The following GPD1L variants were observed in gnomAD, a reference collection of about 807,000 sequenced individuals.
GPD1L encodes glycerol-3-phosphate dehydrogenase 1 like.
A neutral mutation model predicts 32.9 loss-of-function variants in GPD1L; 17 were observed. The ratio of observed to expected loss-of-function variants is 0.52; its 90% CI spans 0.35 to 0.78. GPD1L has a LOEUF of 0.78. Ranked by LOEUF, GPD1L falls within the 30% of genes least tolerant of loss-of-function variation. The pLI, the probability that GPD1L is intolerant of heterozygous loss-of-function variation, is 0.01. For missense variants in GPD1L, 361 were observed against 447.8 expected, an observed-to-expected ratio of 0.81 and a Z score of 1.75; for synonymous variants, 187 against 165.9, an observed-to-expected ratio of 1.13 and a Z score of -0.98.
rs745614320 is a variant in GPD1L at position 32,159,584 on chromosome 3, A to G, written c.869A>G (p.Glu290Gly). ...GTTTTTAAGACCATTGAAGAGTTGG[A>G]GAAGGAGATGCTGAATGGGCAAAAG... ...ARTGKTIEEL[E>G]KEMLNGQKLQ... The change falls in exon 7 of 8, where the codon GAG (glutamate) becomes GGG (glycine). Residue 290 changes from glutamate (E) to glycine (G), a missense_variant. Transcript: ENST00000282541. The G allele has an allele frequency of 6.2e-7, 1 of 1,603,342 alleles. No individual in the cohort carries two copies. The highest frequency in any genetic ancestry group is 8.5e-7 in the Non-Finnish European group (1 of 1,170,424).
intron 1 of GPD1L, among the ~76,000 whole-genome samples, chr3:32,117,040 G>A (rs1163713889): frequency 6.6e-6 from 1 of 152,220 alleles, no homozygotes; most frequent in Non-Finnish European, 1.5e-5. Flanking sequence ...TAATTAAAAT[G>A]TAAATACTAT....
intron 4 of GPD1L, among the ~76,000 whole-genome samples, chr3:32,143,468 G>T (rs564050883): frequency 6.6e-6 from 1 of 152,188 alleles, no homozygotes; most frequent in Admixed American, 6.5e-5. Context: ...CAGGCCAATG[G>T]TATCTTTGAC....
chr3:32,123,040 G>A (rs1406880005), intron 1 of GPD1L, among the ~76,000 whole-genome samples: 1 of 152,026 alleles, frequency 6.6e-6, no homozygotes, highest in Non-Finnish European at 1.5e-5. Context: ...GAGTCGCTAG[G>A]ACTACAGGTG....
At chr3:32,123,839 T>TAGATAGATAGATAGATAGATAGACAGAC (rs58722314) in intron 1 of GPD1L, among the ~76,000 whole-genome samples, 136 of 134,578 alleles carry the variant, frequency 1.0e-3, no homozygotes, top group Non-Finnish European at 1.5e-3. Context: ...GATAGATAGA[T>TAGATAGATAGATAGATAGATAGACAGAC]AGACAGACAG....
intron 2 of GPD1L, 57 bp downstream of exon 2, chr3:32,128,310 G>A: frequency 1.4e-6 from 2 of 1,426,558 alleles, no homozygotes; most frequent in Non-Finnish European, 2.0e-6. Context: ...GCTTGGCTGA[G>A]CAGCACTTGG....
At chr3:32,146,922 G>T (rs568677622) in intron 5 of GPD1L, among the ~76,000 whole-genome samples, 188 bp downstream of exon 5, 5 of 152,212 alleles carry the variant, frequency 3.3e-5, no homozygotes, top group South Asian at 2.1e-4. Context: ...TCTCTTACTC[G>T]TGGCTTGCTT....
In GPD1L at chr3:32,136,704, C is replaced by T. The variant is rs146525183; in HGVS notation, c.226-1883C>T. ...GACAAAGAACAAGAGACTTGTCTTC[C>T]TCTCACATAGAAATACTCCAGTGGT... On this transcript the variant is annotated intron_variant, in intron 2 of 7. Transcript: ENST00000282541. Among the ~76,000 whole-genome samples, 134 of 152,294 alleles carry T rather than the reference C, an allele frequency of 8.8e-4. 1 individual carries two copies. The highest frequency in any genetic ancestry group is 3.0e-3 in the African/African-American group (124 of 41,564).
chr3:32,157,622 G>T (rs1016517071), intron 5 of GPD1L, among the ~76,000 whole-genome samples: 1 of 152,154 alleles, frequency 6.6e-6, no homozygotes, highest in Non-Finnish European at 1.5e-5. Flanking sequence ...ATCACTTTCT[G>T]CTGAGCATTA....
intron 4 of GPD1L, among the ~76,000 whole-genome samples, chr3:32,141,851 T>C (rs1700748942): frequency 6.6e-6 from 1 of 152,152 alleles, no homozygotes; most frequent in Admixed American, 6.5e-5. Flanking sequence ...GTTACATGGG[T>C]GTATTGCATG....
At chr3:32,111,654 G>A (rs184614181) in intron 1 of GPD1L, among the ~76,000 whole-genome samples, 3 of 152,258 alleles carry the variant, frequency 2.0e-5, no homozygotes, top group Non-Finnish European at 1.5e-5. Context: ...GAGATGAGGA[G>A]AGAGGCTGAT....
chr3:32,123,141 A>G (rs1700447759), intron 1 of GPD1L, among the ~76,000 whole-genome samples: 1 of 152,092 alleles, frequency 6.6e-6, no homozygotes, highest in Non-Finnish European at 1.5e-5. Context: ...GGCTCAAGAA[A>G]TGCTCCCTCC....
chr3:32,158,770 C>G (rs1701032464), intron 5 of GPD1L, 106 bp from the exon 6 acceptor site: 1 of 1,544,186 alleles, frequency 6.5e-7, no homozygotes, highest in Admixed American at 2.0e-5. Flanking sequence ...GAAGATGGAG[C>G]CAATGTCCCT....
At chr3:32,150,148 C>G (rs1700892145) in intron 5 of GPD1L, among the ~76,000 whole-genome samples, 1 of 152,148 alleles carries the variant, frequency 6.6e-6, no homozygotes, top group South Asian at 2.1e-4. Context: ...GTCAGCTGAT[C>G]TGCTTTTATA....
chr3:32,146,719 C>T lies in GPD1L; in HGVS notation c.603C>T (p.Leu201=). ...TTGATGATGCAGACACTGTTGAACT[C>T]TGTGGTGCGCTTAAGGTAAAGTCAG... is the stretch of plus-strand genomic sequence containing the variant. ...TVVDDADTVE[L]CGALKNIVAV... The change falls in exon 5 of 8, where the codon CTC becomes CTT. Residue 201 remains leucine, a synonymous_variant. Coordinates refer to ENST00000282541, the MANE Select transcript of GPD1L (RefSeq NM_015141.4). 6.2e-7 allele frequency: 1 copy of T among 1,603,796 alleles called. No individual in the cohort carries two copies. The highest frequency in any genetic ancestry group is 2.2e-5 in the East Asian group (1 of 44,834).
Position 32,128,143 on chromosome 3 carries a change from A to G in GPD1L, c.115A>G (p.Lys39Glu). 1 of 1,610,496 alleles carries G rather than the reference A, an allele frequency of 6.2e-7. No homozygotes were observed. The highest frequency in any genetic ancestry group is 8.5e-7 in the Non-Finnish European group (1 of 1,176,638). Residue 39 changes from lysine (K) to glutamate (E), a missense_variant, in exon 2 of 8, where the codon AAG becomes GAG. Lys to Glu is a moderately conservative substitution (Grantham distance 56). Coordinates refer to ENST00000282541, the MANE Select transcript of GPD1L (RefSeq NM_015141.4). ...ACTTCAGAAATTTGCCTCCACAGTC[A>G]AGATGTGGGTCTTTGAAGAAACAGT... ...KKLQKFASTV[K>E]MWVFEETVNG... is the part of the protein sequence containing the mutation.
At chr3:32,136,744 T>C (rs78025629) in intron 2 of GPD1L, among the ~76,000 whole-genome samples, 4,492 of 152,278 alleles carry the variant, frequency 0.029, 316 homozygotes, top group East Asian at 0.25. Flanking sequence ...TTTACACTAT[T>C]ATTCTTGGTC....
chr3:32,111,249 G>T (rs537533179), intron 1 of GPD1L, among the ~76,000 whole-genome samples: 1 of 152,168 alleles, frequency 6.6e-6, no homozygotes, highest in Non-Finnish European at 1.5e-5. Context: ...AAACCTCAGG[G>T]CTGTATTTAC....
intron 1 of GPD1L, among the ~76,000 whole-genome samples, chr3:32,121,813 G>A (rs1251081102): frequency 2.1e-5 from 3 of 145,198 alleles, no homozygotes; most frequent in South Asian, 4.3e-4. Context: ...CTCTTTTGCC[G>A]AGGCTGGAGT....
rs140846094 is a variant in GPD1L, at chr3:32,134,083, A to G, written c.226-4504A>G. On this transcript the variant is annotated intron_variant, in intron 2 of 7. Coordinates refer to ENST00000282541, the MANE Select transcript of GPD1L (RefSeq NM_015141.4). Reference sequence around the variant, plus strand: ...CATATTTCAGAATCTGGAACGATGGACACCTTCAGAGTTTTGGCAGGAGGC... The same window carrying G: ...CATATTTCAGAATCTGGAACGATGGGCACCTTCAGAGTTTTGGCAGGAGGC... Among the ~76,000 whole-genome samples the G allele has an allele frequency of 7.1e-3, 1,083 of 152,274 alleles. 6 individuals are homozygous for G. The highest frequency in any genetic ancestry group is 7.8e-3 in the Non-Finnish European group (530 of 68,000).
Sources: gnomAD v4.1 joint callset for allele counts (sites outside exome capture counted in the v4.1 genomes callset) on GRCh38, gnomAD v4.1.1 for gene constraint, MANE v1.5 for transcripts, NCBI Gene and HGNC (gene_info 2026-07-23, HGNC 2026-07-21) for gene names.